DLG2: variants seen among roughly 807,000 people sequenced by gnomAD.
The protein encoded by DLG2 is discs large MAGUK scaffold protein 2.
A neutral mutation model predicts 132.5 loss-of-function variants in DLG2; 45 were observed. That is an observed-to-expected ratio of 0.34 (90% CI 0.27 to 0.44). The LOEUF is 0.44. DLG2 is among the 20% of genes least tolerant of loss of function. The pLI is 1.00. For synonymous variants in DLG2, 424 were observed against 419.6 expected, an observed-to-expected ratio of 1.01 and a Z score of -0.13; for missense variants, 1,045 against 1,196.9, an observed-to-expected ratio of 0.87 and a Z score of 1.87.
chr11:85,392,672 T>G (rs2086904251), intron 3 of DLG2, among the ~76,000 whole-genome samples: 1 of 151,896 alleles, frequency 6.6e-6, no homozygotes, highest in Non-Finnish European at 1.5e-5. Flanking sequence ...ACTCAAATAC[T>G]CACAGTCACC....
chr11:84,722,928 A>C (rs771486269), intron 6 of DLG2, among the ~76,000 whole-genome samples: 1 of 152,182 alleles, frequency 6.6e-6, no homozygotes, highest in Non-Finnish European at 1.5e-5. Context: ...TCTTAAATGT[A>C]CTAGGTCACA....
At chr11:85,588,376 AT>A (rs571322685) in intron 3 of DLG2, among the ~76,000 whole-genome samples, 337 of 150,616 alleles carry the variant, frequency 2.2e-3, no homozygotes, top group Non-Finnish European at 3.7e-3. Flanking sequence ...GGCTTTGTTC[AT>A]TTTTTTTTCT....
chr11:85,237,062 A>G (rs575010619), intron 4 of DLG2, among the ~76,000 whole-genome samples: 9 of 152,198 alleles, frequency 5.9e-5, no homozygotes, highest in South Asian at 4.1e-4. Flanking sequence ...ATCTGCACAC[A>G]TGAACACTTC....
At chr11:84,080,418 G>C (rs1594808575) in intron 10 of DLG2, among the ~76,000 whole-genome samples, 1 of 152,150 alleles carries the variant, frequency 6.6e-6, no homozygotes, top group African/African-American at 2.4e-5. Flanking sequence ...TTGCAAGTTT[G>C]ATGCTGCACT....
At chr11:85,207,049 GAC>G (rs773006144) in intron 4 of DLG2, among the ~76,000 whole-genome samples, 3 of 152,070 alleles carry the variant, frequency 2.0e-5, no homozygotes, top group Non-Finnish European at 2.9e-5. Flanking sequence ...TCACTGTTGA[GAC>G]AACTTGTCAG....
intron 7 of DLG2, among the ~76,000 whole-genome samples, chr11:84,412,620 G>A (rs957866215): frequency 6.6e-6 from 1 of 152,174 alleles, no homozygotes; most frequent in Admixed American, 6.5e-5. Flanking sequence ...AAGACAAACA[G>A]TATTGTAAAC....
chr11:83,980,702 A>G, intron 11 of DLG2, 60 bp from the exon 12 acceptor site: 1 of 1,425,394 alleles, frequency 7.0e-7, no homozygotes. Context: ...GTTTTTAGAA[A>G]ATGCAGTTAG....
chr11:84,101,218 CAT>C (rs1315979200), intron 9 of DLG2, among the ~76,000 whole-genome samples: 1 of 152,030 alleles, frequency 6.6e-6, no homozygotes, highest in African/African-American at 2.4e-5. Flanking sequence ...GACCTGGTGA[CAT>C]AGAGAAGAAC....
intron 6 of DLG2, among the ~76,000 whole-genome samples, chr11:84,594,477 G>C (rs755389702): frequency 9.2e-5 from 14 of 152,074 alleles, no homozygotes; most frequent in South Asian, 6.2e-4. Context: ...AAAAGTGAGT[G>C]GATAATTCAC....
Position 83,720,015 on chromosome 11 carries a change from G to A in DLG2, c.1825+66675C>T, listed in dbSNP as rs78068517. On this transcript the variant is annotated intron_variant, in intron 18 of 27. Coordinates refer to ENST00000376104, the MANE Select transcript of DLG2 (RefSeq NM_001142699.3). ...TTAGTAAAAAGAATGACTTTCAGCC[G>A]GGCGCAGTGGCTCACGCCTGTAATC... Among the ~76,000 whole-genome samples, 956 of 151,946 alleles carry A rather than the reference G, an allele frequency of 6.3e-3. 7 individuals are homozygous for A. Among genetic ancestry groups the A allele is most frequent in the African/African-American group, 0.022 (902 of 41,452 alleles).
intron 11 of DLG2, among the ~76,000 whole-genome samples, chr11:84,032,528 T>G (rs992192598): frequency 6.6e-6 from 1 of 152,100 alleles, no homozygotes; most frequent in Non-Finnish European, 1.5e-5. Context: ...TTTGTGAAGT[T>G]TAGGGAAATA....
At chr11:84,789,553 TACAA>T (rs1247689897) in intron 6 of DLG2, among the ~76,000 whole-genome samples, 15 of 152,306 alleles carry the variant, frequency 9.8e-5, no homozygotes, top group African/African-American at 2.6e-4. Flanking sequence ...TCCCTTGTGT[TACAA>T]ACAATCGAAT....
intron 7 of DLG2, among the ~76,000 whole-genome samples, chr11:84,283,808 C>T (rs540176892): frequency 7.2e-5 from 11 of 152,178 alleles, no homozygotes; most frequent in African/African-American, 2.6e-4. Context: ...TAAAGGTTTG[C>T]TTGATATTAT....
chr11:85,362,870 G>C lies in DLG2; in HGVS notation c.41-77505C>G, dbSNP rs558453357. ...AGCATGTCAAGGACACAGGAATAAA[G>C]TTGAGGAGCAGCCTTTAATAAAAGC... On this transcript the variant is annotated intron_variant, in intron 3 of 27. Coordinates refer to ENST00000376104, the MANE Select transcript of DLG2 (RefSeq NM_001142699.3). Among the ~76,000 whole-genome samples, 14 of 152,258 alleles carry C rather than the reference G, an allele frequency of 9.2e-5. No individual in the cohort carries two copies. In the East Asian group the frequency reaches 2.3e-3, roughly 25 times the overall value.
intron 18 of DLG2, among the ~76,000 whole-genome samples, chr11:83,692,600 C>A (rs1232929419): frequency 6.6e-6 from 1 of 152,094 alleles, no homozygotes; most frequent in African/African-American, 2.4e-5. Flanking sequence ...ATAAAATCCA[C>A]TGAATTGTAT....
intron 5 of DLG2, among the ~76,000 whole-genome samples, chr11:85,130,639 G>A (rs961392672): frequency 6.6e-6 from 1 of 152,214 alleles, no homozygotes; most frequent in Admixed American, 6.5e-5. Context: ...ATTGAAGACA[G>A]CACCTTAGCC....
At chr11:85,238,493 C>T (rs1390293741) in intron 4 of DLG2, among the ~76,000 whole-genome samples, 3 of 152,004 alleles carry the variant, frequency 2.0e-5, no homozygotes, top group Non-Finnish European at 2.9e-5. Context: ...ATCCACCTGC[C>T]TCTGCCTCCC....
intron 3 of DLG2, among the ~76,000 whole-genome samples, chr11:85,476,360 C>T (rs1461217372): frequency 1.8e-4 from 2 of 10,946 alleles, no homozygotes; most frequent in African/African-American, 2.9e-4. Context: ...AATGTGAAGG[C>T]CTAAGACATT....
chr11:84,547,401 C>T (rs758086330), intron 6 of DLG2, among the ~76,000 whole-genome samples: 26 of 152,094 alleles, frequency 1.7e-4, no homozygotes, highest in Non-Finnish European at 2.5e-4. Flanking sequence ...CCTTTCTTTA[C>T]GCCATCTTAA....
Sources: gnomAD v4.1 joint callset for allele counts (sites outside exome capture counted in the v4.1 genomes callset) on GRCh38, gnomAD v4.1.1 for gene constraint, MANE v1.5 for transcripts, NCBI Gene and HGNC (gene_info 2026-07-23, HGNC 2026-07-21) for gene names.